MARCHF6: variants seen among roughly 807,000 people sequenced by gnomAD.
MARCHF6 encodes membrane associated ring-CH-type finger 6.
Under a neutral mutation model 133.7 loss-of-function variants are expected in MARCHF6, and 31 were observed. The observed-to-expected ratio is 0.23, with a 90% CI of 0.17 to 0.31. The LOEUF is 0.31. Ranked by LOEUF, MARCHF6 falls within the 10% of genes least tolerant of loss-of-function variation. The probability of loss-of-function intolerance (pLI) is 1.00; values close to 1 mark genes in which losing one functional copy is unlikely to be tolerated. For missense variants in MARCHF6, 723 were observed against 1,121.6 expected (o/e 0.64, Z 5.08); for synonymous variants, 395 against 402.5 (o/e 0.98, Z 0.22).
intron 23 of MARCHF6, among the ~76,000 whole-genome samples, chr5:10,425,009 T>C (rs1174127955): frequency 6.6e-6 from 1 of 152,206 alleles, no homozygotes; most frequent in East Asian, 1.9e-4. Context: ...ATATGGCAAA[T>C]GTACTTGTGG....
chr5:10,353,760 T>A lies in MARCHF6; in HGVS notation c.-139T>A. ...AGCCTCTCTCCCTCTCCCTCTCCCC[T>A]CTCCTTCCTCTCGCTTCCTCTCTCG... On this transcript the variant is annotated 5_prime_UTR_variant, in exon 1 of 26. Coordinates refer to ENST00000274140, the MANE Select transcript of MARCHF6 (RefSeq NM_005885.4). The A allele has an allele frequency of 5.0e-6, 2 of 396,650 alleles. No homozygotes were observed. Among genetic ancestry groups the A allele is most frequent in the Non-Finnish European group, 4.5e-6 (1 of 221,658 alleles). The allele number at this position is 396,650 out of a possible 1,614,324, so 24.6% of individuals were successfully genotyped here.
intron 11 of MARCHF6, chr5:10,401,850 A>G (rs1338735335): frequency 1.8e-6 from 1 of 547,958 alleles, no homozygotes; most frequent in African/African-American, 1.9e-5. Context: ...AGTGTTATTT[A>G]ATTTTTCTTC....
chr5:10,415,443 C>CT, intron 20 of MARCHF6, 45 bp from the exon 21 acceptor site: 4 of 1,535,646 alleles, frequency 2.6e-6, no homozygotes, highest in Non-Finnish European at 3.6e-6. Context: ...TGACAATTCT[C>CT]TTTACCTAGC....
At chr5:10,370,024 T>G (rs1369398961) in intron 1 of MARCHF6, among the ~76,000 whole-genome samples, 1 of 151,704 alleles carries the variant, frequency 6.6e-6, no homozygotes, top group Non-Finnish European at 1.5e-5. Flanking sequence ...ATTTCTGGAT[T>G]GTCTGGTAAG....
intron 8 of MARCHF6, among the ~76,000 whole-genome samples, chr5:10,394,394 A>G (rs1170792230): frequency 6.6e-6 from 1 of 152,204 alleles, no homozygotes; most frequent in Non-Finnish European, 1.5e-5. Flanking sequence ...GACTTTTGAA[A>G]AACAAAATAA....
intron 4 of MARCHF6, 45 bp from the exon 5 acceptor site, chr5:10,386,946 TTCA>T (rs1335624276): frequency 1.4e-6 from 2 of 1,422,738 alleles, no homozygotes; most frequent in Non-Finnish European, 2.0e-6. Context: ...GCTATGTGAA[TTCA>T]TGATGCGAGT....
chr5:10,354,721 A>T (rs1735336606), intron 1 of MARCHF6: 1 of 152,216 alleles, frequency 6.6e-6, no homozygotes, highest in Non-Finnish European at 1.5e-5. Context: ...TGGTGAGTTT[A>T]TAGAGGAAAT....
At chr5:10,407,953 T>TTCCC (rs1739001815) in intron 17 of MARCHF6, among the ~76,000 whole-genome samples, 2 of 81,872 alleles carry the variant, frequency 2.4e-5, no homozygotes, top group African/African-American at 1.1e-4. Flanking sequence ...TGAAACTGCA[T>TTCCC]CCCCCCCCCC....
intron 1 of MARCHF6, among the ~76,000 whole-genome samples, chr5:10,361,558 A>G (rs773338203): frequency 3.3e-4 from 50 of 152,224 alleles, no homozygotes; most frequent in Middle Eastern, 3.4e-3. Context: ...GCCTACTCTA[A>G]GGACCTCATT....
intron 9 of MARCHF6, among the ~76,000 whole-genome samples, chr5:10,396,997 G>A (rs1395555374): frequency 1.3e-5 from 2 of 152,196 alleles, no homozygotes; most frequent in Admixed American, 6.5e-5. Flanking sequence ...AAATCTGGTG[G>A]TTATGAAAAT....
Position 10,410,205 on chromosome 5 carries a change from C to G in MARCHF6, c.1620C>G (p.Leu540=), listed in dbSNP as rs368423784. The change falls in exon 18 of 26, where the codon CTC becomes CTG. Residue 540 remains leucine (L), a synonymous_variant. Coordinates refer to ENST00000274140, the MANE Select transcript of MARCHF6 (RefSeq NM_005885.4). The stretch of plus-strand genomic sequence containing the variant: ...TTCAGGTTGTCTTGCCAGCATTACT[C>G]GAACAGGGACACACGAGGCAGTGGC... ...LLLQVVLPAL[L]EQGHTRQWLK... The G allele has an allele frequency of 6.2e-7, 1 of 1,613,800 alleles. No individual in the cohort carries two copies. The highest frequency in any genetic ancestry group is 8.5e-7 in the Non-Finnish European group (1 of 1,180,020).
intron 1 of MARCHF6, among the ~76,000 whole-genome samples, chr5:10,359,994 A>G (rs1735714686): frequency 6.6e-6 from 1 of 152,010 alleles, no homozygotes; most frequent in Admixed American, 6.6e-5. Context: ...CAACAGAGCA[A>G]GACTCCGTCT....
At chr5:10,397,449 T>C (rs1738262195) in intron 10 of MARCHF6, 105 bp downstream of exon 10, 1 of 802,502 alleles carries the variant, frequency 1.2e-6, no homozygotes, top group Non-Finnish European at 1.9e-6. Flanking sequence ...TAGAAATAAA[T>C]ACTAAGCAGT....
intron 1 of MARCHF6, among the ~76,000 whole-genome samples, chr5:10,358,009 C>A (rs1232933133): frequency 6.7e-6 from 1 of 149,454 alleles, no homozygotes; most frequent in Non-Finnish European, 1.5e-5. Context: ...GCTCTGTCAC[C>A]CAGGCTGGAG....
Position 10,387,067 on chromosome 5 carries a change from G to A in MARCHF6, c.407+1G>A, listed in dbSNP as rs1737523895. The A allele has an allele frequency of 6.2e-7, 1 of 1,609,732 alleles. No homozygotes were observed. Among genetic ancestry groups the A allele is most frequent in the Non-Finnish European group, 8.5e-7 (1 of 1,176,496 alleles). On this transcript the variant is annotated splice_donor_variant, in intron 5 of 25. Transcript: ENST00000274140. LOFTEE classifies it high-confidence loss of function. The stretch of plus-strand genomic sequence containing the variant: ...CGCTGCCATTAGATATGCTGTCAAC[G>A]TGAGTATTGAACCTCTGTGACGAAT...
intron 16 of MARCHF6, 69 bp from the exon 17 acceptor site, chr5:10,407,033 G>A (rs1738941082): frequency 1.2e-6 from 1 of 840,914 alleles, no homozygotes; most frequent in East Asian, 2.5e-5. Flanking sequence ...AGTGTGCTCA[G>A]AAGTCTGCCT....
At chr5:10,376,119 C>T (rs186305731) in intron 1 of MARCHF6, among the ~76,000 whole-genome samples, 163 of 152,248 alleles carry the variant, frequency 1.1e-3, no homozygotes, top group East Asian at 7.5e-3. Context: ...GCAAGCTGCT[C>T]GGGTCCCCTT....
chr5:10,430,710 A>G (rs901931376), intron 25 of MARCHF6, among the ~76,000 whole-genome samples: 1 of 152,226 alleles, frequency 6.6e-6, no homozygotes, highest in Non-Finnish European at 1.5e-5. Flanking sequence ...AGCCTGCATT[A>G]GAAACTAGCA....
chr5:10,360,501 T>C (rs561805294), intron 1 of MARCHF6, among the ~76,000 whole-genome samples: 2 of 152,242 alleles, frequency 1.3e-5, no homozygotes, highest in Admixed American at 1.3e-4. Flanking sequence ...GGGACTCCTG[T>C]ATATGGAAGG....
Sources: gnomAD v4.1 joint callset for allele counts (sites outside exome capture counted in the v4.1 genomes callset) on GRCh38, gnomAD v4.1.1 for gene constraint, MANE v1.5 for transcripts, NCBI Gene and HGNC (gene_info 2026-07-23, HGNC 2026-07-21) for gene names.